The following ACACA variants were observed in gnomAD, a reference collection of about 807,000 sequenced individuals.
ACACA encodes acetyl-CoA carboxylase alpha.
A neutral mutation model predicts 296.1 loss-of-function variants in ACACA; 103 were observed. The observed-to-expected ratio is 0.35, with a 90% CI of 0.30 to 0.41. ACACA has a LOEUF of 0.41. Ranked by LOEUF, ACACA falls within the 10% of genes least tolerant of loss-of-function variation. The pLI is 1.00. For synonymous variants in ACACA, 953 were observed against 1,038.6 expected, an observed-to-expected ratio of 0.92 and a Z score of 1.58; for missense variants, 1,554 against 2,989.7, an observed-to-expected ratio of 0.52 and a Z score of 11.20.
Position 37,224,985 on chromosome 17 carries a change from T to TAC in ACACA, c.3474+6_3474+7insGT. ...AAAGGGTTATATATATATATATATATATATACCTGCAGGTTCTCAATGCAA... is the reference window on the plus strand; with the variant it reads ...AAAGGGTTATATATATATATATATATACATATACCTGCAGGTTCTCAATGCAA... On this transcript the variant is annotated splice_region_variant and intron_variant, in intron 27 of 55. Coordinates refer to ENST00000616317, the MANE Select transcript of ACACA (RefSeq NM_198834.3). 7.5e-7 allele frequency: 1 copy of TAC among 1,334,608 alleles called. No individual in the cohort carries two copies. The allele number at this position is 1,334,608 out of a possible 1,614,324, so 82.7% of individuals were successfully genotyped here.
At position 37,365,441 on chromosome 17, in the gene ACACA, A is replaced by G. The variant is rs938530900; in HGVS notation, c.39-25591T>C. On this transcript the variant is annotated intron_variant, in intron 1 of 55. Coordinates refer to ENST00000616317, the MANE Select transcript of ACACA (RefSeq NM_198834.3). ...TGACTGAAATAAAGATTAGCTCTGT[A>G]CCTGAGAGGCCACTCTGCTCCTGAT... 7 of 985,208 alleles carry G rather than the reference A, an allele frequency of 7.1e-6. No individual in the cohort carries two copies. In the South Asian group the frequency reaches 1.9e-4, roughly 26 times the overall value. 61.0% of individuals were successfully genotyped at this position (985,208 alleles called of 1,614,324 possible). A position where few individuals can be genotyped will look rare whatever the true frequency, so the allele number is the denominator to read the frequency against.
At chr17:37,311,884 A>AG (rs1555640067) in intron 3 of ACACA, among the ~76,000 whole-genome samples, 19 of 151,780 alleles carry the variant, frequency 1.3e-4, no homozygotes, top group African/African-American at 4.6e-4. Flanking sequence ...AAAAAAAAAA[A>AG]AAGAAGAAGA....
Position 37,277,925 on chromosome 17 carries a change from G to T in ACACA, c.691C>A (p.Leu231Ile). 6.2e-7 allele frequency: 1 copy of T among 1,613,802 alleles called. No individual in the cohort carries two copies. The highest frequency in any genetic ancestry group is 8.5e-7 in the Non-Finnish European group (1 of 1,179,734). Residue 231 changes from leucine (L) to isoleucine (I), a missense_variant, in exon 6 of 56, where the codon CTT becomes ATT. Leu to Ile is a conservative substitution (Grantham distance 5, BLOSUM62 2). Coordinates refer to ENST00000616317, the MANE Select transcript of ACACA (RefSeq NM_198834.3). ...NNNYANVELI[L>I]DIAKRIPVQA... ...ACTGGGATCCTTTTAGCAATATCAA[G>T]AATTAATTCCACATTTGCATAGTTG...
At chr17:37,107,027 G>A (rs932659575) in intron 52 of ACACA, among the ~76,000 whole-genome samples, 1 of 152,134 alleles carries the variant, frequency 6.6e-6, no homozygotes, top group Admixed American at 6.5e-5. Flanking sequence ...TTCAGCTACT[G>A]CTAACAAAAG....
chr17:37,362,973 CAA>C (rs1157570690), intron 1 of ACACA, among the ~76,000 whole-genome samples: 10 of 51,592 alleles, frequency 1.9e-4, no homozygotes, highest in Admixed American at 1.4e-3. Flanking sequence ...GACTCCGTCT[CAA>C]AAAAAAAAAA....
At chr17:37,183,848 CTTTTTT>C in intron 39 of ACACA, among the ~76,000 whole-genome samples, 1 of 120,054 alleles carries the variant, frequency 8.3e-6, no homozygotes, top group South Asian at 2.7e-4. Context: ...AGTTTCAGTC[CTTTTTT>C]TTTTTTTTTT....
Position 37,275,559 on chromosome 17 carries a change from T to G in ACACA, c.901+392A>C, listed in dbSNP as rs963791138. ...ATTGGCAAGGAAACATTTGAGTAAGTGGGTTTTAGGTTTTTCCTAGTGATC... is the reference window on the plus strand; with the variant it reads ...ATTGGCAAGGAAACATTTGAGTAAGGGGGTTTTAGGTTTTTCCTAGTGATC... On this transcript the variant is annotated intron_variant, in intron 8 of 55. Coordinates refer to ENST00000616317, the MANE Select transcript of ACACA (RefSeq NM_198834.3). Among the ~76,000 whole-genome samples, 343 of 146,474 alleles carry G rather than the reference T, an allele frequency of 2.3e-3. 4 individuals carry two copies. The highest frequency in any genetic ancestry group is 8.1e-3 in the African/African-American group (318 of 39,464).
At chr17:37,301,264 G>T in intron 3 of ACACA, 1 of 624,474 alleles carries the variant, frequency 1.6e-6, no homozygotes, top group African/African-American at 2.0e-5. Flanking sequence ...AGACACTGCT[G>T]CTCACAATCT....
In ACACA at chr17:37,130,075, C is replaced by T. The variant is rs747060344; in HGVS notation, c.5823G>A (p.Lys1941=). The T allele has an allele frequency of 6.2e-7, 1 of 1,614,048 alleles. No individual in the cohort carries two copies. The highest frequency in any genetic ancestry group is 8.5e-7 in the Non-Finnish European group (1 of 1,179,964). Residue 1941 remains lysine, a splice_region_variant and synonymous_variant, in exon 46 of 56, where the codon AAG becomes AAA. Coordinates refer to ENST00000616317, the MANE Select transcript of ACACA (RefSeq NM_198834.3). ...TCAGTGCTGGGTAGGAAGGGCTCAC[C>T]TTGGGCATGTAAGACAGCCAGTGCA... ...TVLHWLSYMP[K]SVHSSVPLLN... is the part of the protein sequence containing the mutation.
intron 5 of ACACA, among the ~76,000 whole-genome samples, chr17:37,280,863 A>G (rs1490012592): frequency 6.6e-6 from 1 of 152,002 alleles, no homozygotes; most frequent in East Asian, 1.9e-4. Flanking sequence ...GATGGAAAAC[A>G]AGGTCCCCCT....
intron 19 of ACACA, 98 bp from the exon 20 acceptor site, chr17:37,245,312 A>G: frequency 7.9e-7 from 1 of 1,261,390 alleles, no homozygotes; most frequent in Non-Finnish European, 1.1e-6. Flanking sequence ...AAGTTGGACC[A>G]CACCTAATTT....
chr17:37,257,554 G>A lies in ACACA; in HGVS notation c.1826+149C>T, dbSNP rs968035510. 12 of 716,870 alleles carry A rather than the reference G, an allele frequency of 1.7e-5. No homozygotes were observed. In the Admixed American group the frequency reaches 2.4e-4, roughly 14 times the overall value. The allele number at this position is 716,870 out of a possible 1,614,324, so 44.4% of individuals were successfully genotyped here. ...ATAATTTAATACAACATGAATGCAA[G>A]TGTAATTAAAGATATTCAAAATTTC... is the stretch of plus-strand genomic sequence containing the variant. On this transcript the variant is annotated intron_variant, in intron 14 of 55. Coordinates refer to ENST00000616317, the MANE Select transcript of ACACA (RefSeq NM_198834.3).
rs538731478 is a variant in ACACA at position 37,255,460 on chromosome 17, G to C, written c.1826+2243C>G. Among the ~76,000 whole-genome samples, 39 of 152,266 alleles carry C rather than the reference G, an allele frequency of 2.6e-4. No individual in the cohort carries two copies. The South Asian group carries it at 6.2e-3, about 24-fold the overall frequency. ...AAGAAGGAGACTTATTGTAGATAACGTATTTTTAACATGCTAAAAATTAAG... is the reference window on the plus strand; with the variant it reads ...AAGAAGGAGACTTATTGTAGATAACCTATTTTTAACATGCTAAAAATTAAG... On this transcript the variant is annotated intron_variant, in intron 14 of 55. Transcript: ENST00000616317.
intron 3 of ACACA, among the ~76,000 whole-genome samples, chr17:37,318,561 T>G (rs2047200707): frequency 6.6e-6 from 1 of 152,282 alleles, no homozygotes; most frequent in East Asian, 1.9e-4. Context: ...TCAATAGTGG[T>G]TATTCTCAAC....
chr17:37,279,331 C>A (rs1009208266), intron 5 of ACACA, among the ~76,000 whole-genome samples: 3 of 152,052 alleles, frequency 2.0e-5, no homozygotes, highest in Non-Finnish European at 4.4e-5. Flanking sequence ...TATAACAATA[C>A]TATATTTTAA....
At chr17:37,279,636 A>G (rs991585872) in intron 5 of ACACA, among the ~76,000 whole-genome samples, 7 of 142,278 alleles carry the variant, frequency 4.9e-5, no homozygotes, top group Non-Finnish European at 3.0e-5. Context: ...ACAGAGCAAG[A>G]CTCCGTCTAA....
intron 50 of ACACA, among the ~76,000 whole-genome samples, chr17:37,119,156 C>A (rs1462835819): frequency 1.3e-5 from 2 of 152,148 alleles, no homozygotes; most frequent in African/African-American, 4.8e-5. Flanking sequence ...GCTGAATGAA[C>A]CTCATATATA....
chr17:37,111,246 C>G (rs193067695), intron 52 of ACACA, among the ~76,000 whole-genome samples: 1 of 152,218 alleles, frequency 6.6e-6, no homozygotes, highest in African/African-American at 2.4e-5. Flanking sequence ...AGCAGCAACT[C>G]TAGCTAATCA....
At chr17:37,181,465 T>A in intron 39 of ACACA, 109 bp from the exon 40 acceptor site, 1 of 1,221,214 alleles carries the variant, frequency 8.2e-7, no homozygotes, top group Non-Finnish European at 1.2e-6. Context: ...ACATTTTTGG[T>A]AGGTTGAGTA....
Sources: gnomAD v4.1 joint callset for allele counts (sites outside exome capture counted in the v4.1 genomes callset) on GRCh38, gnomAD v4.1.1 for gene constraint, MANE v1.5 for transcripts, NCBI Gene and HGNC (gene_info 2026-07-23, HGNC 2026-07-21) for gene names.